The following NRXN1 variants were observed in gnomAD, a reference collection of about 807,000 sequenced individuals.
NRXN1 encodes neurexin 1, also known as neurexin-1.
NRXN1 carries 39 observed loss-of-function variants against 150.9 expected under a neutral mutation model. That is an observed-to-expected ratio of 0.26 (90% CI 0.20 to 0.34). The LOEUF is 0.34. NRXN1 is among the 10% of genes least tolerant of loss of function. The pLI, the probability that NRXN1 is intolerant of heterozygous loss-of-function variation, is 1.00. For missense variants in NRXN1, 1,815 were observed against 1,949.9 expected, an observed-to-expected ratio of 0.93 and a Z score of 1.30; for synonymous variants, 924 against 757.0, an observed-to-expected ratio of 1.22 and a Z score of -3.62.
intron 18 of NRXN1, among the ~76,000 whole-genome samples, chr2:50,197,725 G>T (rs568998504): frequency 2.0e-5 from 3 of 151,948 alleles, no homozygotes; most frequent in African/African-American, 4.8e-5. Flanking sequence ...TATCAATTTA[G>T]CTATTTCTTT....
intron 15 of NRXN1, among the ~76,000 whole-genome samples, chr2:50,477,198 T>C (rs1260314260): frequency 1.3e-5 from 2 of 152,082 alleles, no homozygotes; most frequent in Non-Finnish European, 2.9e-5. Flanking sequence ...GTAAATAATA[T>C]TGTATAAGTA....
intron 22 of NRXN1, among the ~76,000 whole-genome samples, chr2:49,940,795 G>A (rs998914585): frequency 3.3e-5 from 5 of 152,234 alleles, no homozygotes; most frequent in Admixed American, 1.3e-4. Context: ...ATCAGAAATC[G>A]AAAGTGAAAC....
intron 5 of NRXN1, among the ~76,000 whole-genome samples, chr2:50,633,544 T>G (rs1398312669): frequency 6.6e-6 from 1 of 151,884 alleles, no homozygotes; most frequent in African/African-American, 2.4e-5. Context: ...GATGGAATGC[T>G]ACTTTGTTAT....
In NRXN1 at chr2:50,346,570, A is replaced by G; in HGVS notation, c.3365-109600T>C. 9.4e-7 allele frequency: 1 copy of G among 1,064,864 alleles called. No homozygotes were observed. The highest frequency in any genetic ancestry group is 1.9e-5 in the Admixed American group (1 of 51,962). 66.0% of individuals were successfully genotyped at this position (1,064,864 alleles called of 1,614,324 possible). A position where few individuals can be genotyped will look rare whatever the true frequency, so the allele number is the denominator to read the frequency against. ...TAAGTGGCTCGCACCAAGCACACCC[A>G]AATGCACCTCCCTTTTGTCGAGCTC... On this transcript the variant is annotated intron_variant, in intron 17 of 22. Coordinates refer to ENST00000401669, the MANE Select transcript of NRXN1 (RefSeq NM_001330078.2). This position sits in a 1 kb window ranked among gnomAD's most constrained non-coding sequence, Gnocchi z 5.0.
chr2:50,355,049 A>G (rs969718234), intron 17 of NRXN1, among the ~76,000 whole-genome samples: 8 of 152,226 alleles, frequency 5.3e-5, no homozygotes, highest in African/African-American at 1.9e-4. Context: ...ATCATGTACC[A>G]TATGTTTAAT....
At chr2:50,472,166 C>T in intron 16 of NRXN1, 132 bp downstream of exon 16, 1 of 652,470 alleles carries the variant, frequency 1.5e-6, no homozygotes. Flanking sequence ...AAATTAAAAA[C>T]TTGAATAAGG....
chr2:50,317,846 A>C (rs540311194), intron 17 of NRXN1, among the ~76,000 whole-genome samples: 30 of 152,196 alleles, frequency 2.0e-4, no homozygotes, highest in African/African-American at 7.0e-4. Flanking sequence ...AGGTCCTTTT[A>C]TTGTCTGAGA....
At chr2:50,104,457 C>T (rs1701378287) in intron 18 of NRXN1, among the ~76,000 whole-genome samples, 1 of 151,824 alleles carries the variant, frequency 6.6e-6, no homozygotes. Flanking sequence ...CAAGTGGAAA[C>T]CATATGTAAC....
intron 17 of NRXN1, among the ~76,000 whole-genome samples, chr2:50,314,024 G>T (rs2075389194): frequency 6.6e-6 from 1 of 151,974 alleles, no homozygotes; most frequent in Non-Finnish European, 1.5e-5. Context: ...ACACACAATT[G>T]CTCATTCACT....
At chr2:50,357,113 C>T (rs1392105165) in intron 17 of NRXN1, among the ~76,000 whole-genome samples, 1 of 151,584 alleles carries the variant, frequency 6.6e-6, no homozygotes, top group Non-Finnish European at 1.5e-5. Context: ...CCCATCTCTA[C>T]AAAAAATTTA....
intron 5 of NRXN1, among the ~76,000 whole-genome samples, chr2:50,820,608 C>T (rs905292732): frequency 5.3e-5 from 8 of 152,212 alleles, no homozygotes; most frequent in Admixed American, 5.2e-4. Context: ...TTCTTGTTTG[C>T]CGTCTGCCTT....
At chr2:50,154,869 A>AG (rs1439380627) in intron 18 of NRXN1, among the ~76,000 whole-genome samples, 2 of 151,664 alleles carry the variant, frequency 1.3e-5, no homozygotes, top group Admixed American at 6.6e-5. Context: ...ATAAGCATTA[A>AG]GAAAAAAAAG....
chr2:51,008,813 CTTCTATTTTTT>C (rs1667421907), intron 2 of NRXN1, among the ~76,000 whole-genome samples: 4 of 151,674 alleles, frequency 2.6e-5, no homozygotes, highest in Middle Eastern at 3.4e-3. Context: ...TAGTCATATA[CTTCTATTTTTT>C]ATAGACTGCT....
At chr2:50,774,198 G>A (rs944250689) in intron 5 of NRXN1, among the ~76,000 whole-genome samples, 5 of 151,908 alleles carry the variant, frequency 3.3e-5, no homozygotes, top group South Asian at 2.1e-4. Context: ...ACTCATTCAC[G>A]TATTAAAATT....
intron 5 of NRXN1, among the ~76,000 whole-genome samples, chr2:50,673,290 G>A (rs144224851): frequency 2.0e-5 from 3 of 152,134 alleles, no homozygotes; most frequent in African/African-American, 7.2e-5. Flanking sequence ...AAAAAGACAT[G>A]TTTAGATCTA....
intron 5 of NRXN1, among the ~76,000 whole-genome samples, chr2:50,773,632 G>A (rs1008419829): frequency 5.9e-5 from 9 of 152,124 alleles, no homozygotes; most frequent in Admixed American, 2.6e-4. Context: ...AGCTATAAGC[G>A]CCAATCTCTT....
At chr2:50,689,854 T>TTTTG (rs1553972294) in intron 5 of NRXN1, among the ~76,000 whole-genome samples, 4 of 135,288 alleles carry the variant, frequency 3.0e-5, no homozygotes, top group African/African-American at 5.5e-5. Context: ...TTTTGCTTAT[T>TTTTG]TGTGTGTGTG....
At chr2:50,406,027 T>C (rs58503049) in intron 17 of NRXN1, among the ~76,000 whole-genome samples, 17,109 of 152,080 alleles carry the variant, frequency 0.11, 1,066 homozygotes, top group Non-Finnish European at 0.13. Flanking sequence ...TGATAAATAG[T>C]GAAATCAAGA....
At chr2:49,965,196 G>A (rs1008912502) in intron 21 of NRXN1, among the ~76,000 whole-genome samples, 2 of 150,434 alleles carry the variant, frequency 1.3e-5, no homozygotes, top group Non-Finnish European at 3.0e-5. Flanking sequence ...TTCTAATTAC[G>A]TTTCCTTGTG....
Sources: gnomAD v4.1 joint callset for allele counts (sites outside exome capture counted in the v4.1 genomes callset) on GRCh38, gnomAD v4.1.1 for gene constraint, Gnocchi (gnomAD v3.1) non-coding constraint, MANE v1.5 for transcripts, NCBI Gene and HGNC (gene_info 2026-07-23, HGNC 2026-07-21) for gene names.